The following PRIM2 variants were observed in gnomAD, a reference collection of about 807,000 sequenced individuals.
PRIM2 encodes the protein DNA primase large subunit.
In PRIM2, 39 loss-of-function variants were observed where a neutral mutation model predicts 67.3. The observed-to-expected ratio is 0.58, with a 90% CI of 0.45 to 0.76. The LOEUF (loss-of-function observed/expected upper bound fraction) is 0.76. Among genes scored for constraint, PRIM2 ranks in the 30% least tolerant of loss-of-function variants. The pLI, the probability that PRIM2 is intolerant of heterozygous loss-of-function variation, is 0.00. For missense variants in PRIM2, 398 were observed against 598.7 expected, an observed-to-expected ratio of 0.66 and a Z score of 3.50; for synonymous variants, 143 against 198.7, an observed-to-expected ratio of 0.72 and a Z score of 2.36.
chr6:57,276,906 A>T, the PRIM2 span, among the ~76,000 whole-genome samples: 4 of 151,982 alleles, frequency 2.6e-5, no homozygotes, highest in Non-Finnish European at 5.9e-5. Context: ...AAAAGATATA[A>T]TGATATATGA....
chr6:57,600,299 T>G (rs1776439730), intron 10 of PRIM2, among the ~76,000 whole-genome samples: 1 of 151,742 alleles, frequency 6.6e-6, no homozygotes, highest in South Asian at 2.1e-4. Flanking sequence ...ATTAAGCATT[T>G]GCTGACTACT....
At chr6:57,612,289 G>A in intron 12 of PRIM2, among the ~76,000 whole-genome samples, 1 of 152,150 alleles carries the variant, frequency 6.6e-6, no homozygotes, top group Non-Finnish European at 1.5e-5. Flanking sequence ...GTTCCTAAGT[G>A]TTTATAGTGT....
chr6:57,260,895 G>A, the PRIM2 span, among the ~76,000 whole-genome samples: 2,465 of 152,236 alleles, frequency 0.016, 52 homozygotes, highest in African/African-American at 0.055. Flanking sequence ...AGAATATTGC[G>A]GATATGACTG....
intron 7 of PRIM2, among the ~76,000 whole-genome samples, chr6:57,407,554 T>C (rs1171943380): frequency 2.0e-5 from 3 of 152,204 alleles, no homozygotes; most frequent in Non-Finnish European, 4.4e-5. Context: ...GCCTCCACTG[T>C]TATTTTTTAG....
chr6:57,339,811 C>G (rs1438060306), intron 5 of PRIM2, among the ~76,000 whole-genome samples: 2 of 152,136 alleles, frequency 1.3e-5, no homozygotes, highest in Non-Finnish European at 2.9e-5. Context: ...GACTTTATGT[C>G]TAAAACACCA....
At chr6:57,611,659 T>C (rs1776668539) in intron 12 of PRIM2, among the ~76,000 whole-genome samples, 1 of 152,152 alleles carries the variant, frequency 6.6e-6, no homozygotes, top group African/African-American at 2.4e-5. Context: ...ATTATAGAAC[T>C]AAGTAACTGT....
At chr6:57,315,493 G>A (rs963979291), upstream of PRIM2, among the ~76,000 whole-genome samples, 1 of 152,128 alleles carries the variant, frequency 6.6e-6, no homozygotes, top group African/African-American at 2.4e-5. Context: ...CAAAACAGGT[G>A]GCAACACTGA....
chr6:57,311,200 C>CCG (rs761662244), upstream of PRIM2, among the ~76,000 whole-genome samples: 2 of 31,146 alleles, frequency 6.4e-5, no homozygotes, highest in African/African-American at 2.1e-4. Flanking sequence ...CCTCACCTCC[C>CCG]AGACGGGGCG....
intron 13 of PRIM2, among the ~76,000 whole-genome samples, chr6:57,634,422 C>T (rs1398769781): frequency 6.6e-6 from 1 of 152,202 alleles, no homozygotes; most frequent in Admixed American, 6.5e-5. Context: ...AAAATAGCAA[C>T]AACAAAATCT....
intron 7 of PRIM2, among the ~76,000 whole-genome samples, chr6:57,411,416 C>G (rs1487623935): frequency 1.3e-5 from 2 of 151,550 alleles, no homozygotes; most frequent in South Asian, 2.1e-4. Flanking sequence ...CATGGTGAAA[C>G]CTTGTCTCTA....
At chr6:57,500,994 A>C (rs1774118493) in intron 7 of PRIM2, among the ~76,000 whole-genome samples, 1 of 152,232 alleles carries the variant, frequency 6.6e-6, no homozygotes, top group East Asian at 1.9e-4. Flanking sequence ...AAGGATGAGA[A>C]TATCTCTGAT....
At chr6:57,342,027 G>A (rs1768510633) in intron 5 of PRIM2, among the ~76,000 whole-genome samples, 1 of 152,154 alleles carries the variant, frequency 6.6e-6, no homozygotes, top group South Asian at 2.1e-4. Flanking sequence ...TTTTACCTTA[G>A]GAGGAGATGC....
At chr6:57,441,075 T>A (rs552471368) in intron 7 of PRIM2, among the ~76,000 whole-genome samples, 1 of 152,350 alleles carries the variant, frequency 6.6e-6, no homozygotes, top group African/African-American at 2.4e-5. Context: ...GTTTGTCATT[T>A]AATAAGAGTC....
At chr6:57,309,195 T>C in the PRIM2 span, among the ~76,000 whole-genome samples, 1 of 151,550 alleles carries the variant, frequency 6.6e-6, no homozygotes, top group African/African-American at 2.4e-5. Context: ...ATTGTGCAGG[T>C]TAGTTACATA....
chr6:57,352,843 T>C (rs957042628), intron 5 of PRIM2, among the ~76,000 whole-genome samples: 2 of 151,958 alleles, frequency 1.3e-5, no homozygotes, highest in Non-Finnish European at 2.9e-5. Context: ...GGAAAAAAAA[T>C]AGTGTCATGA....
intron 12 of PRIM2, among the ~76,000 whole-genome samples, chr6:57,606,970 A>G (rs1478746398): frequency 6.6e-6 from 1 of 152,220 alleles, no homozygotes; most frequent in South Asian, 2.1e-4. Flanking sequence ...GACAATGGAA[A>G]TGCTCAGATT....
chr6:57,263,296 C>T, the PRIM2 span, among the ~76,000 whole-genome samples: 1 of 152,184 alleles, frequency 6.6e-6, no homozygotes, highest in Middle Eastern at 3.2e-3. Flanking sequence ...AAAATTTATT[C>T]TCTCACAGTT....
upstream of PRIM2, among the ~76,000 whole-genome samples, chr6:57,312,498 TG>T (rs201334220): frequency 3.2e-3 from 481 of 152,170 alleles, 4 homozygotes; most frequent in Admixed American, 0.026. Context: ...AACCCTGTCT[TG>T]AAAAAACAAA....
At chr6:57,226,136 T>G in the PRIM2 span, among the ~76,000 whole-genome samples, 1 of 152,188 alleles carries the variant, frequency 6.6e-6, no homozygotes, top group Non-Finnish European at 1.5e-5. Context: ...TTGTGTCCTC[T>G]GGGAGCTTAT....
Sources: allele counts gnomAD v4.1 joint callset (sites outside exome capture counted in the v4.1 genomes callset), GRCh38; gene constraint gnomAD v4.1.1; transcripts MANE v1.5; gene names NCBI Gene and HGNC (gene_info 2026-07-23, HGNC 2026-07-21).